NECAB1: variants seen among roughly 807,000 people sequenced by gnomAD.
NECAB1 encodes N-terminal EF-hand calcium-binding protein 1.
In NECAB1, 29 loss-of-function variants were observed where a neutral mutation model predicts 57.5. That is an observed-to-expected ratio of 0.50 (90% CI 0.38 to 0.69). The LOEUF (loss-of-function observed/expected upper bound fraction) is 0.69, where lower values mean the gene tolerates loss of function less well. Ranked by LOEUF, NECAB1 falls within the 30% of genes least tolerant of loss-of-function variation. The probability of loss-of-function intolerance (pLI) is 0.00; values close to 1 mark genes in which losing one functional copy is unlikely to be tolerated. For missense variants in NECAB1, 372 were observed against 413.8 expected (o/e 0.90, Z 0.88); for synonymous variants, 142 against 147.7 (o/e 0.96, Z 0.28).
chr8:90,943,044 T>TA (rs142230352), intron 10 of NECAB1, among the ~76,000 whole-genome samples: 31,783 of 152,026 alleles, frequency 0.21, 5,733 homozygotes, highest in African/African-American at 0.49. Flanking sequence ...TTTATATTTA[T>TA]AAAAAAGGCG....
intron 5 of NECAB1, among the ~76,000 whole-genome samples, chr8:90,913,680 G>T (rs150192259): frequency 6.6e-6 from 1 of 152,270 alleles, no homozygotes; most frequent in Non-Finnish European, 1.5e-5. Flanking sequence ...CATTTGCTGA[G>T]AATTAAAAGG....
intron 9 of NECAB1, chr8:90,940,104 A>G (rs968529386): frequency 2.0e-5 from 3 of 152,260 alleles, no homozygotes; most frequent in Non-Finnish European, 4.4e-5. Context: ...TACAATTGCT[A>G]TAATGCTAAT....
intron 2 of NECAB1, chr8:90,812,913 G>C (rs982916992): frequency 4.1e-5 from 5 of 121,454 alleles, no homozygotes; most frequent in African/African-American, 1.3e-4. Context: ...ACTTGTGGCA[G>C]GGCGCGGTGG....
chr8:90,889,843 T>G (rs181575955), intron 5 of NECAB1, among the ~76,000 whole-genome samples: 17 of 152,328 alleles, frequency 1.1e-4, no homozygotes, highest in Admixed American at 1.1e-3. Context: ...CATGTTCTAT[T>G]ACTAGAAGTA....
chr8:90,873,424 A>T (rs1189276975), intron 4 of NECAB1, among the ~76,000 whole-genome samples: 1 of 152,238 alleles, frequency 6.6e-6, no homozygotes, highest in Non-Finnish European at 1.5e-5. Flanking sequence ...GTGAGGCTTT[A>T]TGATGAATAG....
rs1809982745 is a variant in NECAB1 at position 90,917,493 on chromosome 8, A to G, written c.359A>G (p.Asp120Gly). 6.2e-7 allele frequency: 1 copy of G among 1,606,390 alleles called. No individual in the cohort carries two copies. The highest frequency in any genetic ancestry group is 8.5e-7 in the Non-Finnish European group (1 of 1,175,710). The change falls in exon 6 of 13, where the codon GAC becomes GGC. Residue 120 changes from aspartate (D) to glycine (G), a missense_variant and splice_region_variant. Transcript: ENST00000417640. The part of the protein sequence containing the change: ...ILKAMGKTKK[D>G]YQEASNLEQF... ...TTGCATTTGTTTTGTCACCCTTAGG[A>G]CTACCAAGAAGCCTCCAATTTGGAA...
chr8:90,940,889 G>C lies in NECAB1; in HGVS notation c.851G>C (p.Gly284Ala). ...HYVESASSQS[G>A]CLRISIQKLS... ...GTGGAGAGTGCTTCCTCCCAAAGTGGATGCTTGCGGTAAGTGCTCCGACTC... is the reference window on the plus strand; with the variant it reads ...GTGGAGAGTGCTTCCTCCCAAAGTGCATGCTTGCGGTAAGTGCTCCGACTC... The change falls in exon 10 of 13, where the codon GGA becomes GCA. Residue 284 changes from glycine to alanine, a missense_variant. By Grantham distance (60) the Gly-to-Ala change is moderately conservative. Transcript: ENST00000417640. The C allele has an allele frequency of 6.4e-7, 1 of 1,557,528 alleles. No individual in the cohort carries two copies. The highest frequency in any genetic ancestry group is 8.7e-7 in the Non-Finnish European group (1 of 1,150,086).
chr8:90,810,437 A>C (rs762641967), intron 2 of NECAB1, among the ~76,000 whole-genome samples: 52 of 152,210 alleles, frequency 3.4e-4, no homozygotes, highest in Non-Finnish European at 6.6e-4. Context: ...CATTTACTTT[A>C]GTATACATTT....
intron 2 of NECAB1, among the ~76,000 whole-genome samples, chr8:90,806,288 G>A (rs552452189): frequency 4.6e-5 from 7 of 152,254 alleles, no homozygotes; most frequent in South Asian, 2.1e-4. Flanking sequence ...CAGCCTGCAC[G>A]TATTAAATTT....
rs1811044440 is a variant in NECAB1, at chr8:90,956,961, T to TGTGTGTGTGTGC, written c.*1460_*1461insCGTGTGTGTGTG. The TGTGTGTGTGTGC allele has an allele frequency of 6.8e-6, 1 of 147,574 alleles. No homozygotes were observed. The highest frequency in any genetic ancestry group is 1.5e-5 in the Non-Finnish European group (1 of 64,796). The allele number at this position is 147,574 out of a possible 1,614,324, so 9.1% of individuals were successfully genotyped here. ...ATACACACGTGTGTGTGTGTGTGTG[T>TGTGTGTGTGTGC]GTGTGTGTGTGTGTGTGTGTGTGTA... On this transcript the variant is annotated 3_prime_UTR_variant, in exon 13 of 13. Transcript: ENST00000417640.
rs1811080018 is a variant in NECAB1 at position 90,958,847 on chromosome 8, C to T, written c.*3335C>T. The T allele has an allele frequency of 3.9e-6, 2 of 518,862 alleles. No homozygotes were observed. Among genetic ancestry groups the T allele is most frequent in the East Asian group, 7.4e-5 (2 of 27,054 alleles). The allele number at this position is 518,862 out of a possible 1,614,324, so 32.1% of individuals were successfully genotyped here. A position where few individuals can be genotyped will look rare whatever the true frequency, so the allele number is the denominator to read the frequency against. On this transcript the variant is annotated 3_prime_UTR_variant, in exon 13 of 13. Transcript: ENST00000417640. The stretch of plus-strand genomic sequence containing the variant: ...CAAAGCTGAAACTGATTAGAAAATT[C>T]TTTATATTTTAAAATAGCTCTTTCT...
intron 5 of NECAB1, 111 bp from the exon 6 acceptor site, chr8:90,917,381 C>G (rs897903339): frequency 8.9e-6 from 8 of 902,386 alleles, no homozygotes; most frequent in Non-Finnish European, 1.2e-5. Context: ...TCTCCACCCT[C>G]TCTCTCTAGG....
Position 90,791,897 on chromosome 8 carries a change from C to A in NECAB1, c.11C>A (p.Ser4Tyr), listed in dbSNP as rs1811578535. 1.3e-6 allele frequency: 2 copies of A among 1,551,134 alleles called. No individual in the cohort carries two copies. The highest frequency in any genetic ancestry group is 1.2e-5 in the South Asian group (1 of 84,040). Reference sequence around the variant, plus strand: ...TCAGGGCTCCCGAGGATGGAAGATTCCCAGGAGACATCGCCGTCCTCCAAC... The same window carrying A: ...TCAGGGCTCCCGAGGATGGAAGATTACCAGGAGACATCGCCGTCCTCCAAC... MEDSQETSPSSNNS... is the reference protein window; with the variant it reads MEDYQETSPSSNNS... Residue 4 changes from serine (S) to tyrosine (Y), a missense_variant, in exon 1 of 13, where the codon TCC (serine) becomes TAC (tyrosine). By Grantham distance (144) the Ser-to-Tyr change is moderately radical (BLOSUM62 -2). Transcript: ENST00000417640.
At chr8:90,793,748 T>A (rs980859125) in intron 1 of NECAB1, among the ~76,000 whole-genome samples, 29 of 152,188 alleles carry the variant, frequency 1.9e-4, no homozygotes, top group Non-Finnish European at 3.8e-4. Flanking sequence ...TGAGATCAAG[T>A]GCTTCCCTGT....
In NECAB1 at chr8:90,906,885, A is replaced by ATATATATGTGTATATATATATATATGTG. The variant is rs1809673933; in HGVS notation, c.358-10600_358-10599insGTGTATATATATATATATGTGTATATAT. Among the ~76,000 whole-genome samples, 55 of 120,914 alleles carry ATATATATGTGTATATATATATATATGTG rather than the reference A, an allele frequency of 4.5e-4. 1 individual carries two copies. Among genetic ancestry groups the ATATATATGTGTATATATATATATATGTG allele is most frequent in the African/African-American group, 1.9e-3 (54 of 28,488 alleles). The allele number at this position is 120,914 out of a possible 152,430, so 79.3% of individuals were successfully genotyped here. ...TTACATATGATATACACATATATAT[A>ATATATATGTGTATATATATATATATGTG]TATATATATATATATATATATATAT... On this transcript the variant is annotated intron_variant, in intron 5 of 12. Coordinates refer to ENST00000417640, the MANE Select transcript of NECAB1 (RefSeq NM_022351.5).
chr8:90,930,050 T>C lies in NECAB1; in HGVS notation c.693+1751T>C, dbSNP rs183781972. Among the ~76,000 whole-genome samples the C allele has an allele frequency of 1.7e-3, 262 of 152,220 alleles. 1 individual carries two copies. The highest frequency in any genetic ancestry group is 6.0e-3 in the African/African-American group (251 of 41,528). The stretch of plus-strand genomic sequence containing the variant: ...GACAAACCAAAAAAAATCCTTTAGA[T>C]AGGAAATTGGGCAGCAAGATGCAAA... On this transcript the variant is annotated intron_variant, in intron 8 of 12. Transcript: ENST00000417640.
intron 5 of NECAB1, among the ~76,000 whole-genome samples, chr8:90,895,538 A>G (rs1488109968): frequency 6.6e-6 from 1 of 152,246 alleles, no homozygotes; most frequent in Non-Finnish European, 1.5e-5. Flanking sequence ...AAGGAATATA[A>G]TAGGAAACAA....
At chr8:90,903,977 T>TAA (rs1005797501) in intron 5 of NECAB1, 1 of 152,170 alleles carries the variant, frequency 6.6e-6, no homozygotes, top group African/African-American at 2.4e-5. Context: ...AAGCCTTTAC[T>TAA]GTTCCTCGAA....
chr8:90,940,081 G>A (rs377260461), intron 9 of NECAB1: 1 of 152,234 alleles, frequency 6.6e-6, no homozygotes, highest in African/African-American at 2.4e-5. Flanking sequence ...GATCTTGAGG[G>A]AAGCCTTGAA....
Sources: allele counts gnomAD v4.1 joint callset (sites outside exome capture counted in the v4.1 genomes callset), GRCh38; gene constraint gnomAD v4.1.1; transcripts MANE v1.5; gene names NCBI Gene and HGNC (gene_info 2026-07-23, HGNC 2026-07-21).